The following GAPVD1 variants were observed in gnomAD, a reference collection of about 807,000 sequenced individuals.
GAPVD1 encodes the protein GTPase activating protein and VPS9 domains 1, also known as GTPase-activating protein and VPS9 domain-containing protein 1.
Under a neutral mutation model 155.5 loss-of-function variants are expected in GAPVD1, and 35 were observed. The observed-to-expected ratio is 0.23, with a 90% CI of 0.17 to 0.30. The LOEUF (loss-of-function observed/expected upper bound fraction) is 0.30. Ranked by LOEUF, GAPVD1 falls within the 10% of genes least tolerant of loss-of-function variation. The pLI is 1.00. For missense variants in GAPVD1, 1,429 were observed against 1,775.7 expected (o/e 0.80, Z 3.51); for synonymous variants, 636 against 619.7 (o/e 1.03, Z -0.39).
chr9:125,293,895 T>TATATATATATATAG (rs1564312584), intron 2 of GAPVD1, among the ~76,000 whole-genome samples: 4 of 115,114 alleles, frequency 3.5e-5, no homozygotes, highest in South Asian at 2.6e-4. Context: ...TATATATATA[T>TATATATATATATAG]ATATATATAA....
intron 21 of GAPVD1, 92 bp downstream of exon 21, chr9:125,349,611 A>G: frequency 9.1e-7 from 1 of 1,100,116 alleles, no homozygotes; most frequent in Non-Finnish European, 1.4e-6. Flanking sequence ...GAGTCAATAA[A>G]TGTATAAAGC....
At chr9:125,329,308 A>G (rs1845736949) in intron 12 of GAPVD1, among the ~76,000 whole-genome samples, 1 of 152,216 alleles carries the variant, frequency 6.6e-6, no homozygotes, top group African/African-American at 2.4e-5. Context: ...AATAGTGACT[A>G]ATATGCTGGA....
At chr9:125,284,107 C>T (rs999491786) in intron 2 of GAPVD1, among the ~76,000 whole-genome samples, 4 of 151,424 alleles carry the variant, frequency 2.6e-5, no homozygotes, top group African/African-American at 9.7e-5. Flanking sequence ...AACTCCTGAC[C>T]TCAAGTGATC....
Position 125,365,708 on chromosome 9 carries a change from G to A in GAPVD1, c.*2962G>A, listed in dbSNP as rs1223689063. 6.6e-6 allele frequency: 1 copy of A among 152,038 alleles called. No individual in the cohort carries two copies. Among genetic ancestry groups the A allele is most frequent in the African/African-American group, 2.4e-5 (1 of 41,396 alleles). 9.4% of individuals were successfully genotyped at this position (152,038 alleles called of 1,614,324 possible). On this transcript the variant is annotated 3_prime_UTR_variant, in exon 28 of 28. Transcript: ENST00000297933. ...GTCTGGAGTGCAGTGCTGTGATCTC[G>A]GCTCACTGTAACCACCATCTCCCAG...
intron 23 of GAPVD1, 23 bp downstream of exon 23, chr9:125,350,895 C>CT (rs770476386): frequency 3.2e-6 from 5 of 1,564,262 alleles, no homozygotes; most frequent in Non-Finnish European, 4.3e-6. Context: ...ACCTGTTCAG[C>CT]TTTTAAACCT....
At position 125,333,485 on chromosome 9, in the gene GAPVD1, C is replaced by CTT. The variant is rs36083522; in HGVS notation, c.2428+875_2428+876dup. ...TGTTAGGTTTTGAGGTACCTTTTGT[C>CTT]TTTTTTTTTTTTTTTTTTTTGAGAC... is the stretch of plus-strand genomic sequence containing the variant. On this transcript the variant is annotated intron_variant, in intron 15 of 27. Coordinates refer to ENST00000297933, the MANE Select transcript of GAPVD1 (RefSeq NM_001282680.3). Among the ~76,000 whole-genome samples the CTT allele has an allele frequency of 1.3e-3, 163 of 124,340 alleles. 2 individuals carry two copies. Among genetic ancestry groups the CTT allele is most frequent in the Middle Eastern group, 4.9e-3 (1 of 206 alleles). 81.6% of individuals were successfully genotyped at this position (124,340 alleles called of 152,430 possible). A position where few individuals can be genotyped will look rare whatever the true frequency, so the allele number is the denominator to read the frequency against.
chr9:125,330,078 G>A lies in GAPVD1; in HGVS notation c.2033G>A (p.Gly678Asp). ...IDEDRLQEIA[G>D]AAAENMLGSL... ...CCTTTGCTTCCCACTGGTTATACAGGTGCTGCAGCAGAGAACATGTTAGGC... is the reference window on the plus strand; with the variant it reads ...CCTTTGCTTCCCACTGGTTATACAGATGCTGCAGCAGAGAACATGTTAGGC... Residue 678 changes from glycine to aspartate, a missense_variant and splice_region_variant, in exon 13 of 28, where the codon GGT (glycine) becomes GAT (aspartate). By Grantham distance (94) the Gly-to-Asp change is moderately conservative (BLOSUM62 -1). Around this residue, in one of 4 missense-constraint regions of GAPVD1, gnomAD observed 699 missense variants for 826.0 expected, o/e 0.85. Transcript: ENST00000297933. The A allele has an allele frequency of 6.2e-7, 1 of 1,605,598 alleles. No individual in the cohort carries two copies. Among genetic ancestry groups the A allele is most frequent in the Non-Finnish European group, 8.5e-7 (1 of 1,176,364 alleles).
At chr9:125,264,781 C>T (rs747935676) in intron 1 of GAPVD1, among the ~76,000 whole-genome samples, 99 of 150,476 alleles carry the variant, frequency 6.6e-4, no homozygotes, top group South Asian at 1.1e-3. Context: ...TGCAGTGGCG[C>T]GATCTCAGCT....
intron 2 of GAPVD1, among the ~76,000 whole-genome samples, chr9:125,283,403 C>T (rs1018758003): frequency 2.0e-5 from 3 of 152,078 alleles, no homozygotes; most frequent in Non-Finnish European, 4.4e-5. Flanking sequence ...GTTGCCCAGG[C>T]TGAAGTGCAG....
intron 5 of GAPVD1, 31 bp from the exon 6 acceptor site, chr9:125,305,032 T>A: frequency 6.9e-7 from 1 of 1,449,482 alleles, no homozygotes; most frequent in Non-Finnish European, 9.7e-7. Context: ...GTCTGTAGCT[T>A]ATGTCTCCCT....
At position 125,360,612 on chromosome 9, in the gene GAPVD1, C is replaced by A. The variant is rs569505355; in HGVS notation, c.4129C>A (p.Gln1377Lys). The A allele has an allele frequency of 1.9e-6, 3 of 1,613,558 alleles. No individual in the cohort carries two copies. In the African/African-American group the frequency reaches 4.0e-5, roughly 22 times the overall value. ...SAYKTPRDKV[Q>K]CILRMCSTIM... Reference sequence around the variant, plus strand: ...TTATAAAACCCCCCGGGACAAAGTGCAGTGCATCCTGAGAATGTGCTCTAC... The same window carrying A: ...TTATAAAACCCCCCGGGACAAAGTGAAGTGCATCCTGAGAATGTGCTCTAC... The change falls in exon 27 of 28, where the codon CAG becomes AAG. Residue 1377 changes from glutamine (Q) to lysine (K), a missense_variant. Physicochemically the swap from Gln to Lys is moderately conservative, Grantham distance 53. Transcript: ENST00000297933.
At chr9:125,313,459 A>G (rs1463892976) in intron 9 of GAPVD1, among the ~76,000 whole-genome samples, 1 of 151,986 alleles carries the variant, frequency 6.6e-6, no homozygotes, top group Non-Finnish European at 1.5e-5. Context: ...GCCCGCCACC[A>G]CGCTCGGCTA....
At chr9:125,275,952 A>G (rs1335125519) in intron 2 of GAPVD1, among the ~76,000 whole-genome samples, 1 of 152,182 alleles carries the variant, frequency 6.6e-6, no homozygotes, top group African/African-American at 2.4e-5. Context: ...AGCTTAACCC[A>G]CAAACCATTT....
At chr9:125,273,682 A>G (rs1387236328) in intron 2 of GAPVD1, among the ~76,000 whole-genome samples, 1 of 151,926 alleles carries the variant, frequency 6.6e-6, no homozygotes, top group Non-Finnish European at 1.5e-5. Flanking sequence ...TCAGAGGGCG[A>G]TGAAGTTCTA....
chr9:125,325,519 CAAAA>C (rs34510251), intron 11 of GAPVD1, among the ~76,000 whole-genome samples: 1 of 93,252 alleles, frequency 1.1e-5, no homozygotes. Flanking sequence ...GACTCCATCT[CAAAA>C]AAAAAAAAAA....
chr9:125,270,857 C>T (rs1428685472), intron 2 of GAPVD1, among the ~76,000 whole-genome samples: 2 of 151,958 alleles, frequency 1.3e-5, no homozygotes, highest in East Asian at 1.9e-4. Flanking sequence ...GCAGGAGAAT[C>T]GCTTGAACCT....
At position 125,267,238 on chromosome 9, in the gene GAPVD1, C is replaced by T. The variant is rs80114201; in HGVS notation, c.-198-1698C>T. ...CACATTTTACTTTGGGAATCCGAGACGGTCAGATTACTTGAGCCTAGGAAT... is the reference window on the plus strand; with the variant it reads ...CACATTTTACTTTGGGAATCCGAGATGGTCAGATTACTTGAGCCTAGGAAT... On this transcript the variant is annotated intron_variant, in intron 1 of 27. Transcript: ENST00000297933. Among the ~76,000 whole-genome samples the T allele has an allele frequency of 9.7e-3, 1,469 of 152,176 alleles. 27 individuals are homozygous for T. The highest frequency in any genetic ancestry group is 0.034 in the African/African-American group (1,393 of 41,528).
At chr9:125,301,184 C>T (rs143025798) in intron 4 of GAPVD1, among the ~76,000 whole-genome samples, 74 of 152,080 alleles carry the variant, frequency 4.9e-4, no homozygotes, top group African/African-American at 1.6e-3. Flanking sequence ...ATTTTCCCAC[C>T]TCAGCCTCCT....
intron 25 of GAPVD1, among the ~76,000 whole-genome samples, chr9:125,357,222 C>T (rs1019257315): frequency 6.6e-6 from 1 of 152,156 alleles, no homozygotes; most frequent in African/African-American, 2.4e-5. Flanking sequence ...CTTTTATTAA[C>T]CATTCTAACA....
Sources: gnomAD v4.1 joint callset for allele counts (sites outside exome capture counted in the v4.1 genomes callset) on GRCh38, gnomAD v4.1.1 for gene constraint, gnomAD v4.1.1 regional missense constraint, MANE v1.5 for transcripts, NCBI Gene and HGNC (gene_info 2026-07-23, HGNC 2026-07-21) for gene names.